SEMA4D: variants seen among roughly 807,000 people sequenced by gnomAD.
SEMA4D encodes semaphorin-4D.
SEMA4D carries 22 observed loss-of-function variants against 74.8 expected under a neutral mutation model. The observed-to-expected ratio is 0.29, with a 90% CI of 0.21 to 0.42. The LOEUF (loss-of-function observed/expected upper bound fraction) is 0.42. Ranked by LOEUF, SEMA4D falls within the 10% of genes least tolerant of loss-of-function variation. The probability of loss-of-function intolerance (pLI) is 1.00; values close to 1 mark genes in which losing one functional copy is unlikely to be tolerated. For missense variants in SEMA4D, 937 were observed against 1,118.4 expected, an observed-to-expected ratio of 0.84 and a Z score of 2.31; for synonymous variants, 445 against 463.7, an observed-to-expected ratio of 0.96 and a Z score of 0.52.
intron 2 of SEMA4D, among the ~76,000 whole-genome samples, chr9:89,453,008 G>A (rs1389740836): frequency 6.6e-6 from 1 of 152,198 alleles, no homozygotes; most frequent in Non-Finnish European, 1.5e-5. Flanking sequence ...TGGGCCTCCT[G>A]AAACATGCAG....
intron 2 of SEMA4D, chr9:89,418,670 G>A (rs1000481480): frequency 2.0e-5 from 3 of 152,428 alleles, no homozygotes; most frequent in African/African-American, 2.4e-5. Flanking sequence ...CCTTTGCAGT[G>A]TGGGAGATCA....
chr9:89,408,896 C>T (rs1843892126), intron 2 of SEMA4D, among the ~76,000 whole-genome samples: 1 of 152,228 alleles, frequency 6.6e-6, no homozygotes, highest in Admixed American at 6.5e-5. Flanking sequence ...GCATGTCCCC[C>T]AGCTGGGCAA....
chr9:89,404,009 A>AG (rs1327277889), intron 3 of SEMA4D, among the ~76,000 whole-genome samples: 1 of 152,242 alleles, frequency 6.6e-6, no homozygotes, highest in African/African-American at 2.4e-5. Flanking sequence ...CACAGGCAGC[A>AG]GGTCCTCTCT....
chr9:89,457,293 A>C (rs1856178511), intron 1 of SEMA4D, among the ~76,000 whole-genome samples: 6 of 152,128 alleles, frequency 3.9e-5, no homozygotes, highest in Admixed American at 3.9e-4. Context: ...GATGCTGCTG[A>C]ATCACATTCC....
chr9:89,484,328 G>A lies in SEMA4D; in HGVS notation c.-310+13591C>T, dbSNP rs1384614832. On this transcript the variant is annotated intron_variant, in intron 1 of 15. Transcript: ENST00000422704. The surrounding 1 kb of genome is among the most constrained non-coding windows in gnomAD (Gnocchi z 4.1). ...AAGTGTGCAAAGCTCTCAAGACTCCGATGCATACGGGGTATGTGTGTGCTG... is the reference window on the plus strand; with the variant it reads ...AAGTGTGCAAAGCTCTCAAGACTCCAATGCATACGGGGTATGTGTGTGCTG... Among the ~76,000 whole-genome samples the A allele has an allele frequency of 6.6e-6, 1 of 152,220 alleles. No homozygotes were observed. Among genetic ancestry groups the A allele is most frequent in the Non-Finnish European group, 1.5e-5 (1 of 68,034 alleles).
At chr9:89,370,396 G>T (rs550007707) in intron 16 of SEMA4D, among the ~76,000 whole-genome samples, 13 of 150,698 alleles carry the variant, frequency 8.6e-5, no homozygotes, top group Non-Finnish European at 1.6e-4. Flanking sequence ...TATATGCGTG[G>T]CGTGTGGTGT....
chr9:89,371,041 G>A (rs1167577794), intron 16 of SEMA4D, among the ~76,000 whole-genome samples: 1 of 131,592 alleles, frequency 7.6e-6, no homozygotes, highest in Non-Finnish European at 1.6e-5. Flanking sequence ...GGGGTGTGGT[G>A]TGTGTCAGGG....
At chr9:89,445,532 G>GGCA (rs1330877722) in intron 2 of SEMA4D, among the ~76,000 whole-genome samples, 2 of 152,196 alleles carry the variant, frequency 1.3e-5, no homozygotes, top group African/African-American at 4.8e-5. Context: ...AGTTTCTGGT[G>GGCA]GCAGCAGCGT....
intron 2 of SEMA4D, among the ~76,000 whole-genome samples, chr9:89,411,791 G>T (rs1844577931): frequency 6.6e-6 from 1 of 152,204 alleles, no homozygotes. Context: ...GCAGAGCCTG[G>T]GTCCCTAGGG....
At chr9:89,407,246 T>A (rs1843513197) in intron 2 of SEMA4D, among the ~76,000 whole-genome samples, 1 of 152,238 alleles carries the variant, frequency 6.6e-6, no homozygotes, top group South Asian at 2.1e-4. Context: ...GTATGTGGAA[T>A]TTATTAGATG....
At chr9:89,405,732 C>G (rs751397950) in intron 2 of SEMA4D, 33 bp from the exon 3 acceptor site, 1 of 1,393,504 alleles carries the variant, frequency 7.2e-7, no homozygotes, top group Non-Finnish European at 9.3e-7. Flanking sequence ...AGGCAGGACC[C>G]ATGGTGAGTG....
At chr9:89,427,015 T>C (rs1380756604) in intron 2 of SEMA4D, among the ~76,000 whole-genome samples, 1 of 152,194 alleles carries the variant, frequency 6.6e-6, no homozygotes, top group African/African-American at 2.4e-5. Flanking sequence ...ACTGCCCATA[T>C]GGATGGCCAG....
In SEMA4D at chr9:89,396,766, T is replaced by G. The variant is rs1335434964; in HGVS notation, c.385A>C (p.Asn129His). Residue 129 changes from asparagine (N) to histidine (H), a missense_variant, in exon 6 of 16, where the codon AAC becomes CAC. Asn to His is a moderately conservative substitution (Grantham distance 68). Coordinates refer to ENST00000422704, the MANE Select transcript of SEMA4D (RefSeq NM_001371194.2). ...SATSLYVCGT[N>H]AFQPACDHLN... ...TGGTCACAGGCCGGCTGGAATGCGT[T>G]GGTCCCACACACGTAAAGGGAAGTG... 6.2e-7 allele frequency: 1 copy of G among 1,613,824 alleles called. No individual in the cohort carries two copies. The highest frequency in any genetic ancestry group is 1.3e-5 in the African/African-American group (1 of 74,922).
chr9:89,450,584 C>G lies in SEMA4D; in HGVS notation c.-244+5304G>C, dbSNP rs144852268. On this transcript the variant is annotated intron_variant, in intron 2 of 15. Coordinates refer to ENST00000422704, the MANE Select transcript of SEMA4D (RefSeq NM_001371194.2). Reference sequence around the variant, plus strand: ...CCAGTGGTCCCTTCCAGCCTGACCTCTATAAGTCTGAGATGAAGGTCCAGG... The same window carrying G: ...CCAGTGGTCCCTTCCAGCCTGACCTGTATAAGTCTGAGATGAAGGTCCAGG... The G allele has an allele frequency of 3.5e-3, 3,183 of 902,718 alleles. 15 individuals are homozygous for G. The highest frequency in any genetic ancestry group is 3.7e-3 in the Non-Finnish European group (2,071 of 553,136). 55.9% of individuals were successfully genotyped at this position (902,718 alleles called of 1,614,324 possible). A position where few individuals can be genotyped will look rare whatever the true frequency, so the allele number is the denominator to read the frequency against.
At chr9:89,416,238 T>C (rs1845674498) in intron 2 of SEMA4D, among the ~76,000 whole-genome samples, 1 of 152,210 alleles carries the variant, frequency 6.6e-6, no homozygotes, top group Non-Finnish European at 1.5e-5. Context: ...CTGGCAACTC[T>C]TGGGCAGCAA....
intron 2 of SEMA4D, among the ~76,000 whole-genome samples, chr9:89,411,401 G>A (rs1440882114): frequency 6.6e-6 from 1 of 151,970 alleles, no homozygotes; most frequent in African/African-American, 2.4e-5. Flanking sequence ...GAAAGGGAGG[G>A]GACAAGAGTC....
chr9:89,456,972 G>C (rs1215152607), intron 1 of SEMA4D, among the ~76,000 whole-genome samples: 1 of 152,196 alleles, frequency 6.6e-6, no homozygotes, highest in Non-Finnish European at 1.5e-5. Flanking sequence ...TCAACACTCT[G>C]AGAAAATGCA....
intron 2 of SEMA4D, among the ~76,000 whole-genome samples, chr9:89,455,401 G>T (rs914288790): frequency 1.3e-5 from 2 of 152,230 alleles, no homozygotes; most frequent in African/African-American, 4.8e-5. Context: ...TGAGTTAGTG[G>T]ACAGAAGAGA....
chr9:89,383,024 T>G (rs534836425), intron 13 of SEMA4D, among the ~76,000 whole-genome samples: 1 of 151,848 alleles, frequency 6.6e-6, no homozygotes, highest in African/African-American at 2.4e-5. Context: ...AACTAAGCTG[T>G]AAAAACTAAA....
Sources: allele counts gnomAD v4.1 joint callset (sites outside exome capture counted in the v4.1 genomes callset), GRCh38; gene constraint gnomAD v4.1.1; non-coding constraint Gnocchi (gnomAD v3.1); transcripts MANE v1.5; gene names NCBI Gene and HGNC (gene_info 2026-07-23, HGNC 2026-07-21).